Variants in CLASP2 observed in about 807,000 individuals in gnomAD.
CLASP2 encodes cytoplasmic linker associated protein 2.
Under a neutral mutation model 194.4 loss-of-function variants are expected in CLASP2, and 47 were observed. The ratio of observed to expected loss-of-function variants is 0.24; its 90% CI spans 0.19 to 0.31. The LOEUF (loss-of-function observed/expected upper bound fraction) is 0.31, where lower values mean the gene tolerates loss of function less well. Among genes scored for constraint, CLASP2 ranks in the 10% least tolerant of loss-of-function variants. The probability of loss-of-function intolerance (pLI) is 1.00; values close to 1 mark genes in which losing one functional copy is unlikely to be tolerated. For synonymous variants in CLASP2, 619 were observed against 633.5 expected, an observed-to-expected ratio of 0.98 and a Z score of 0.34; for missense variants, 1,445 against 1,823.6, an observed-to-expected ratio of 0.79 and a Z score of 3.78.
intron 29 of CLASP2, among the ~76,000 whole-genome samples, chr3:33,553,492 C>T (rs1374987402): frequency 6.6e-6 from 1 of 152,124 alleles, no homozygotes; most frequent in Admixed American, 6.6e-5. Flanking sequence ...AAGAAACTCA[C>T]ATGACTCAAT....
rs1454257914 is a variant in CLASP2, at chr3:33,581,826, G to T, written c.2342C>A (p.Pro781His). The part of the protein sequence containing the change: ...RDTSPVRSFQ[P>H]LGPGYGISQS... Reference sequence around the variant, plus strand: ...ACACCTGCCCGAATACGTACCGAGGGGCTGAAAAGAGCGAACAGGACTTGT... The same window carrying T: ...ACACCTGCCCGAATACGTACCGAGGTGCTGAAAAGAGCGAACAGGACTTGT... Residue 781 changes from proline to histidine, a missense_variant, in exon 23 of 39, where the codon CCC becomes CAC. Physicochemically the swap from Pro to His is moderately conservative, Grantham distance 77. This residue lies in a region of CLASP2 where 732 missense variants were observed against 987.9 expected (regional missense o/e 0.74). Coordinates refer to ENST00000682230, the MANE Select transcript of CLASP2 (RefSeq NM_001365631.1). 6.2e-7 allele frequency: 1 copy of T among 1,611,700 alleles called. No individual in the cohort carries two copies. The highest frequency in any genetic ancestry group is 1.3e-5 in the African/African-American group (1 of 74,854).
At chr3:33,708,508 A>ATATG (rs2092821248) in intron 1 of CLASP2, among the ~76,000 whole-genome samples, 4 of 113,748 alleles carry the variant, frequency 3.5e-5, no homozygotes, top group Non-Finnish European at 6.9e-5. Flanking sequence ...ATATATATGT[A>ATATG]TATATATGTA....
intron 13 of CLASP2, 106 bp from the exon 14 acceptor site, chr3:33,608,732 G>GTT: frequency 4.2e-6 from 1 of 240,574 alleles, no homozygotes. Context: ...CATAAGACAT[G>GTT]TTTTTAGATA....
intron 7 of CLASP2, among the ~76,000 whole-genome samples, chr3:33,646,949 T>C (rs2082374222): frequency 6.6e-6 from 1 of 152,204 alleles, no homozygotes; most frequent in African/African-American, 2.4e-5. Context: ...TCATACAATA[T>C]GTATTCTGGT....
intron 30 of CLASP2, among the ~76,000 whole-genome samples, chr3:33,547,147 A>G (rs2059273827): frequency 6.6e-6 from 1 of 152,190 alleles, no homozygotes; most frequent in African/African-American, 2.4e-5. Flanking sequence ...TCCCCACACA[A>G]ATCTCATCTT....
rs1234596386 is a variant in CLASP2, at chr3:33,608,645, A to G, written c.1389-19T>C. 2 of 1,547,110 alleles carry G rather than the reference A, an allele frequency of 1.3e-6. No homozygotes were observed. Among genetic ancestry groups the G allele is most frequent in the South Asian group, 2.3e-5 (2 of 86,730 alleles). On this transcript the variant is annotated intron_variant, in intron 13 of 38. Transcript: ENST00000682230. ...TGAACGTCTGAAAAATAAAAGTTGA[A>G]TGATAACTAAATGTTGTATTGAGAA...
intron 8 of CLASP2, among the ~76,000 whole-genome samples, chr3:33,637,401 G>A (rs2080349620): frequency 6.6e-6 from 1 of 152,042 alleles, no homozygotes. Flanking sequence ...CATGGTGGTG[G>A]CAGGCAACTG....
chr3:33,565,711 C>A (rs1055300571), intron 27 of CLASP2, among the ~76,000 whole-genome samples: 1 of 151,932 alleles, frequency 6.6e-6, no homozygotes, highest in African/African-American at 2.4e-5. Context: ...ACTCAGGAGG[C>A]TGAGGCAGGA....
intron 33 of CLASP2, among the ~76,000 whole-genome samples, chr3:33,536,702 A>G (rs1180057516): frequency 1.3e-5 from 2 of 152,220 alleles, no homozygotes; most frequent in Middle Eastern, 3.2e-3. Flanking sequence ...AGGAGGCCAA[A>G]TTTTAATAAT....
At chr3:33,666,306 T>C (rs537951179) in intron 6 of CLASP2, among the ~76,000 whole-genome samples, 2 of 152,302 alleles carry the variant, frequency 1.3e-5, no homozygotes, top group African/African-American at 4.8e-5. Flanking sequence ...TTTTAGAACA[T>C]TTTCATCACC....
intron 7 of CLASP2, among the ~76,000 whole-genome samples, chr3:33,648,707 A>C (rs993068134): frequency 6.6e-6 from 1 of 152,204 alleles, no homozygotes; most frequent in Non-Finnish European, 1.5e-5. Context: ...TTTCTAAATA[A>C]CTATGAAATA....
In CLASP2 at chr3:33,619,720, C is replaced by A; in HGVS notation, c.1200G>T (p.Leu400Phe). 1 of 1,587,422 alleles carries A rather than the reference C, an allele frequency of 6.3e-7. No homozygotes were observed. Among genetic ancestry groups the A allele is most frequent in the African/African-American group, 1.3e-5 (1 of 74,226 alleles). Reference sequence around the variant, plus strand: ...CAGCGCCATGATCAAACTTGTTTCCCAAAACTGTTGAAAGGTGGCTACAAA... The same window carrying A: ...CAGCGCCATGATCAAACTTGTTTCCAAAAACTGTTGAAAGGTGGCTACAAA... Reference protein sequence around the residue: ...CITVAHLSTVLGNKFDHGAEA... With the variant: ...CITVAHLSTVFGNKFDHGAEA... Residue 400 changes from leucine to phenylalanine, a missense_variant, in exon 12 of 39, where the codon TTG becomes TTT. Coordinates refer to ENST00000682230, the MANE Select transcript of CLASP2 (RefSeq NM_001365631.1).
intron 37 of CLASP2, 27 bp from the exon 38 acceptor site, chr3:33,501,795 C>T: frequency 3.4e-6 from 5 of 1,467,720 alleles, no homozygotes; most frequent in East Asian, 4.5e-5. Flanking sequence ...ACTGTTAGTA[C>T]TCCAGAGAAG....
At chr3:33,666,605 T>A (rs1357295475) in intron 6 of CLASP2, among the ~76,000 whole-genome samples, 3 of 152,238 alleles carry the variant, frequency 2.0e-5, no homozygotes, top group African/African-American at 7.2e-5. Flanking sequence ...ATTCACCAAG[T>A]AATGGACATA....
chr3:33,515,446 A>C (rs1298182400), intron 36 of CLASP2, among the ~76,000 whole-genome samples: 2 of 152,126 alleles, frequency 1.3e-5, no homozygotes, highest in South Asian at 2.1e-4. Context: ...TAAAAATAAC[A>C]ATGACCTGCT....
chr3:33,568,716 C>T lies in CLASP2; in HGVS notation c.2764-1982G>A, dbSNP rs569249790. On this transcript the variant is annotated intron_variant, in intron 26 of 38. Transcript: ENST00000682230. ...CATAATTGAGTAGCTGGGATAGAGA[C>T]CCTTATGGTCTGCAAAGCCACATTA... Among the ~76,000 whole-genome samples, 12 of 152,002 alleles carry T rather than the reference C, an allele frequency of 7.9e-5. No individual in the cohort carries two copies. In the East Asian group the frequency reaches 2.1e-3, roughly 27 times the overall value.
At chr3:33,571,235 G>A (rs1410978991) in intron 25 of CLASP2, among the ~76,000 whole-genome samples, 2 of 141,668 alleles carry the variant, frequency 1.4e-5, no homozygotes, top group East Asian at 2.5e-4. Flanking sequence ...GGATGGTCTC[G>A]ATCTCCTGAC....
intron 13 of CLASP2, 42 bp from the exon 14 acceptor site, chr3:33,608,668 G>T: frequency 7.8e-6 from 10 of 1,274,588 alleles, no homozygotes; most frequent in Non-Finnish European, 1.1e-5. Flanking sequence ...GTTGTATTGA[G>T]AAATACATTA....
chr3:33,570,723 A>T lies in CLASP2; in HGVS notation c.2763+4T>A, dbSNP rs2063569593. On this transcript the variant is annotated splice_donor_region_variant and intron_variant, in intron 26 of 38. Transcript: ENST00000682230. Reference sequence around the variant, plus strand: ...AATAAATAATCTTAAATACTAAAACATACCTTGCCATGAGGGTCAGCAAAC... The same window carrying T: ...AATAAATAATCTTAAATACTAAAACTTACCTTGCCATGAGGGTCAGCAAAC... 6.3e-7 allele frequency: 1 copy of T among 1,590,722 alleles called. No homozygotes were observed. The highest frequency in any genetic ancestry group is 1.3e-5 in the African/African-American group (1 of 74,222).
Sources: gnomAD v4.1 joint callset for allele counts (sites outside exome capture counted in the v4.1 genomes callset) on GRCh38, gnomAD v4.1.1 for gene constraint, gnomAD v4.1.1 regional missense constraint, MANE v1.5 for transcripts, NCBI Gene and HGNC (gene_info 2026-07-23, HGNC 2026-07-21) for gene names.